OR51B5: variants seen among roughly 807,000 people sequenced by gnomAD.
OR51B5 encodes olfactory receptor 51B5.
For missense variants in OR51B5, 456 were observed against 374.6 expected (o/e 1.22, Z -1.79); for synonymous variants, 186 against 144.8 (o/e 1.28, Z -2.04).
chr11:5,442,216 A>T (rs1850699736), intron 1 of OR51B5, among the ~76,000 whole-genome samples: 1 of 152,168 alleles, frequency 6.6e-6, no homozygotes, highest in Admixed American at 6.5e-5. Context: ...GCAACCTTTA[A>T]TAAATTCTAC....
At chr11:5,420,791 A>G (rs992245611) in intron 1 of OR51B5, among the ~76,000 whole-genome samples, 10 of 152,166 alleles carry the variant, frequency 6.6e-5, no homozygotes, top group African/African-American at 2.4e-4. Flanking sequence ...CAAATAGCTA[A>G]CTATTGAATA....
chr11:5,387,826 A>AT (rs1422232505), intron 1 of OR51B5, among the ~76,000 whole-genome samples: 2 of 152,158 alleles, frequency 1.3e-5, no homozygotes, highest in Non-Finnish European at 2.9e-5. Context: ...ACTACCCTAT[A>AT]TAAAATGCAT....
At chr11:5,403,924 T>C (rs1850015505) in intron 1 of OR51B5, among the ~76,000 whole-genome samples, 1 of 151,892 alleles carries the variant, frequency 6.6e-6, no homozygotes, top group South Asian at 2.1e-4. Context: ...AAGTGAAATG[T>C]ATTACATTGT....
rs762407985 is a variant in OR51B5, at chr11:5,422,761, C to A, written n.85-75851G>T. On this transcript the variant is annotated intron_variant and non_coding_transcript_variant, in intron 1 of 4. Transcript: ENST00000415970. Reference sequence around the variant, plus strand: ...CCTATTGCCTCCACCAGGATATGATCCGCCTGGTCTGTGCTGACATCAGGC... The same window carrying A: ...CCTATTGCCTCCACCAGGATATGATACGCCTGGTCTGTGCTGACATCAGGC... 8 of 1,614,034 alleles carry A rather than the reference C, an allele frequency of 5.0e-6. No homozygotes were observed. The African/African-American group carries it at 1.1e-4, about 22-fold the overall frequency.
At chr11:5,367,533 C>CA (rs1349968647) in intron 1 of OR51B5, among the ~76,000 whole-genome samples, 1 of 152,160 alleles carries the variant, frequency 6.6e-6, no homozygotes, top group Non-Finnish European at 1.5e-5. Flanking sequence ...GGGAGAGTAG[C>CA]AGTGAGGACT....
In OR51B5 at chr11:5,462,258, A is replaced by T. The variant is rs533333738; in HGVS notation, n.84+43311T>A. On this transcript the variant is annotated intron_variant and non_coding_transcript_variant, in intron 1 of 4. Coordinates refer to the OR51B5 transcript ENST00000415970. ...ATGAAATTCTTGCTCTCTCTGTTTC[A>T]TGGGCAAGACCAACAGAAGGGTTAA... 3.3e-5 allele frequency among the ~76,000 whole-genome samples: 5 copies of T among 152,338 alleles called. No homozygotes were observed. The East Asian group carries it at 7.7e-4, about 23-fold the overall frequency.
chr11:5,396,162 G>A (rs1849867257), intron 1 of OR51B5, among the ~76,000 whole-genome samples: 1 of 152,220 alleles, frequency 6.6e-6, no homozygotes, highest in African/African-American at 2.4e-5. Context: ...TAGGCTGCAA[G>A]ACAGGGATGC....
intron 1 of OR51B5, among the ~76,000 whole-genome samples, chr11:5,470,364 A>T (rs1367550788): frequency 6.6e-6 from 1 of 152,192 alleles, no homozygotes; most frequent in Non-Finnish European, 1.5e-5. Context: ...CACAAACTTC[A>T]GCAAACCTCT....
intron 1 of OR51B5, among the ~76,000 whole-genome samples, chr11:5,480,745 C>T (rs1409505208): frequency 1.3e-5 from 2 of 149,830 alleles, no homozygotes; most frequent in African/African-American, 2.5e-5. Context: ...TGGAAATAAA[C>T]TAGAAAATCT....
intron 1 of OR51B5, chr11:5,441,649 G>A (rs1850691232): frequency 1.5e-6 from 1 of 673,572 alleles, no homozygotes; most frequent in Non-Finnish European, 2.5e-6. Flanking sequence ...TTCCCAGTAA[G>A]ACACTCATCT....
chr11:5,436,324 G>A (rs368998870), intron 1 of OR51B5, among the ~76,000 whole-genome samples: 4 of 152,188 alleles, frequency 2.6e-5, no homozygotes, highest in East Asian at 3.9e-4. Flanking sequence ...GGCAGTGAAG[G>A]TGTTCAAGCA....
intron 1 of OR51B5, among the ~76,000 whole-genome samples, chr11:5,447,940 C>T (rs1850792654): frequency 6.6e-6 from 1 of 152,192 alleles, no homozygotes; most frequent in South Asian, 2.1e-4. Flanking sequence ...TAGGGAACCT[C>T]TCTTCTGAAT....
intron 1 of OR51B5, among the ~76,000 whole-genome samples, chr11:5,360,348 C>T (rs1050937822): frequency 2.9e-4 from 44 of 152,124 alleles, no homozygotes; most frequent in African/African-American, 9.2e-4. Context: ...ACAGACACTT[C>T]TCAAAAGAAG....
At chr11:5,375,607 T>C (rs939494851) in intron 1 of OR51B5, among the ~76,000 whole-genome samples, 1 of 151,870 alleles carries the variant, frequency 6.6e-6, no homozygotes, top group Non-Finnish European at 1.5e-5. Context: ...AATAAAAGGA[T>C]GGAGGAAGAT....
At chr11:5,453,818 G>A (rs1335928967) in intron 1 of OR51B5, 3 of 1,614,036 alleles carry the variant, frequency 1.9e-6, no homozygotes, top group Admixed American at 3.3e-5. Context: ...TCTCCATGAT[G>A]GAATCAGGTA....
upstream of OR51B5, among the ~76,000 whole-genome samples, chr11:5,348,069 C>T (rs192709725): frequency 2.0e-5 from 3 of 151,260 alleles, no homozygotes; most frequent in East Asian, 1.9e-4. Context: ...ACAGAGAGAT[C>T]GAAGCTGATT....
chr11:5,492,188 C>T (rs1851590602), intron 1 of OR51B5, among the ~76,000 whole-genome samples: 1 of 152,022 alleles, frequency 6.6e-6, no homozygotes, highest in Non-Finnish European at 1.5e-5. Context: ...ATCTCCAGAA[C>T]CAGAATTCAC....
At chr11:5,474,043 C>T (rs1851268652) in intron 1 of OR51B5, among the ~76,000 whole-genome samples, 1 of 151,904 alleles carries the variant, frequency 6.6e-6, no homozygotes, top group African/African-American at 2.4e-5. Flanking sequence ...ACAATGATTC[C>T]CAAACATTTG....
intron 1 of OR51B5, among the ~76,000 whole-genome samples, chr11:5,399,234 T>C (rs568692621): frequency 3.9e-5 from 6 of 152,322 alleles, no homozygotes; most frequent in African/African-American, 1.4e-4. Context: ...AATTCTTGTC[T>C]CCTTGTTTAC....
Sources: allele counts gnomAD v4.1 joint callset (sites outside exome capture counted in the v4.1 genomes callset), GRCh38; gene constraint gnomAD v4.1.1; transcripts MANE v1.5; gene names NCBI Gene and HGNC (gene_info 2026-07-23, HGNC 2026-07-21).